Variants in LRGUK observed in about 807,000 individuals in gnomAD.
LRGUK encodes leucine rich repeats and guanylate kinase domain containing, also known as leucine-rich repeat and guanylate kinase domain-containing protein.
A neutral mutation model predicts 76.0 loss-of-function variants in LRGUK; 65 were observed. The ratio of observed to expected loss-of-function variants is 0.85; its 90% confidence interval spans 0.70 to 1.05. The LOEUF (loss-of-function observed/expected upper bound fraction) is 1.05, where lower values mean the gene tolerates loss of function less well. Ranked by LOEUF, LRGUK falls within the 50% of genes least tolerant of loss-of-function variation. LRGUK has a pLI of 0.00. For missense variants in LRGUK, 758 were observed against 732.8 expected, an observed-to-expected ratio of 1.03 and a Z score of -0.40; for synonymous variants, 268 against 265.6, an observed-to-expected ratio of 1.01 and a Z score of -0.09.
In LRGUK at chr7:134,157,261, G is replaced by T. The variant is rs112639878; in HGVS notation, c.671-774G>T. Among the ~76,000 whole-genome samples the T allele has an allele frequency of 8.5e-5, 13 of 152,288 alleles. 1 individual carries two copies. The highest frequency in any genetic ancestry group is 3.1e-4 in the African/African-American group (13 of 41,570). On this transcript the variant is annotated intron_variant, in intron 5 of 15. Coordinates refer to ENST00000645682, the Ensembl canonical transcript of LRGUK. ...AAGGGCTGTTCCTTTCTCTAACAGG[G>T]TATTGGTCTTTGGACCACCCATTTG...
chr7:134,130,162 T>C (rs929924890), intron 1 of LRGUK, among the ~76,000 whole-genome samples: 2 of 152,230 alleles, frequency 1.3e-5, no homozygotes, highest in Non-Finnish European at 2.9e-5. Context: ...AAGCTATTAA[T>C]TATTCTATTC....
At chr7:134,187,976 A>G (rs1156604246) in intron 11 of LRGUK, among the ~76,000 whole-genome samples, 1 of 152,240 alleles carries the variant, frequency 6.6e-6, no homozygotes, top group Admixed American at 6.5e-5. Context: ...ACATGAGATG[A>G]TATGAGCTGT....
chr7:134,223,135 C>T (rs539901958), intron 16 of LRGUK, among the ~76,000 whole-genome samples: 199 of 152,268 alleles, frequency 1.3e-3, no homozygotes, highest in African/African-American at 4.6e-3. Context: ...GGTAGCCCTC[C>T]CTCTCCTGGC....
chr7:134,138,699 G>A (rs1012032134), intron 2 of LRGUK, among the ~76,000 whole-genome samples: 4 of 152,114 alleles, frequency 2.6e-5, no homozygotes, highest in East Asian at 1.9e-4. Flanking sequence ...TTCTGACTCC[G>A]CCATCACGAC....
At chr7:134,264,038 C>T in exon 20 of LRGUK, 1 of 1,511,462 alleles carries the variant, frequency 6.6e-7, no homozygotes, top group Non-Finnish European at 8.9e-7. Flanking sequence ...AATTCCTTGC[C>T]TTACCTGGCC....
chr7:134,228,765 G>A (rs1801821145), intron 16 of LRGUK, among the ~76,000 whole-genome samples: 1 of 151,836 alleles, frequency 6.6e-6, no homozygotes, highest in African/African-American at 2.4e-5. Flanking sequence ...CTAGGAAGAG[G>A]GTAAATGTAA....
intron 7 of LRGUK, among the ~76,000 whole-genome samples, chr7:134,164,373 C>T (rs1278046888): frequency 6.6e-6 from 1 of 152,150 alleles, no homozygotes; most frequent in Non-Finnish European, 1.5e-5. Context: ...GGCTTGGGGA[C>T]TGGGTTTACT....
chr7:134,203,621 C>T (rs1340933236), intron 15 of LRGUK, among the ~76,000 whole-genome samples: 3 of 152,130 alleles, frequency 2.0e-5, no homozygotes, highest in African/African-American at 7.2e-5. Flanking sequence ...CAGGGTATGA[C>T]CTGCTGACTG....
downstream of LRGUK, among the ~76,000 whole-genome samples, chr7:134,267,603 T>C (rs1314343244): frequency 1.3e-5 from 2 of 152,178 alleles, no homozygotes; most frequent in African/African-American, 4.8e-5. Flanking sequence ...ATAAGGAGTT[T>C]CACCTTTTGC....
chr7:134,259,493 G>A (rs772230970), intron 19 of LRGUK, among the ~76,000 whole-genome samples: 4 of 152,096 alleles, frequency 2.6e-5, no homozygotes, highest in African/African-American at 4.8e-5. Flanking sequence ...TCAGGTGACC[G>A]GAGGAACTAG....
chr7:134,182,915 C>G (rs1394554307), intron 10 of LRGUK, among the ~76,000 whole-genome samples: 1 of 152,176 alleles, frequency 6.6e-6, no homozygotes, highest in Non-Finnish European at 1.5e-5. Context: ...GTGTGCACCA[C>G]CATGCCCGCT....
intron 12 of LRGUK, among the ~76,000 whole-genome samples, chr7:134,193,412 C>T (rs1367966620): frequency 6.6e-5 from 10 of 152,112 alleles, no homozygotes; most frequent in Non-Finnish European, 1.5e-5. Flanking sequence ...CACGTCAGTT[C>T]ATCTGTTCTC....
At chr7:134,226,610 C>T in intron 16 of LRGUK, among the ~76,000 whole-genome samples, 1 of 151,940 alleles carries the variant, frequency 6.6e-6, no homozygotes, top group East Asian at 1.9e-4. Flanking sequence ...GCTTCTTGAC[C>T]CAAGAGAAAA....
At position 134,148,165 on chromosome 7, in the gene LRGUK, G is replaced by T; in HGVS notation, c.589-73G>T. The T allele has an allele frequency of 1.1e-6, 1 of 930,302 alleles. No homozygotes were observed. Among genetic ancestry groups the T allele is most frequent in the Non-Finnish European group, 1.7e-6 (1 of 586,252 alleles). 57.6% of individuals were successfully genotyped at this position (930,302 alleles called of 1,614,324 possible). ...CTACATTCAAAAATACCTTCTTCTTGCACAGTTAATTATTGTGGCAAACAT... is the reference window on the plus strand; with the variant it reads ...CTACATTCAAAAATACCTTCTTCTTTCACAGTTAATTATTGTGGCAAACAT... On this transcript the variant is annotated intron_variant, in intron 4 of 15. Coordinates refer to ENST00000645682, the Ensembl canonical transcript of LRGUK.
chr7:134,226,096 G>GA (rs1801734476), intron 16 of LRGUK, among the ~76,000 whole-genome samples: 1 of 152,022 alleles, frequency 6.6e-6, no homozygotes, highest in South Asian at 2.1e-4. Flanking sequence ...TTATCCAAAA[G>GA]AAAAAAGGCA....
intron 5 of LRGUK, among the ~76,000 whole-genome samples, 158 bp downstream of exon 5, chr7:134,148,477 A>C (rs151208767): frequency 2.1e-4 from 32 of 152,364 alleles, no homozygotes; most frequent in African/African-American, 7.5e-4. Context: ...TATTCACAAA[A>C]TGAGGATAAA....
At chr7:134,209,907 G>A (rs191865845) in exon 16 of LRGUK, 41 of 399,110 alleles carry the variant, frequency 1.0e-4, no homozygotes, top group African/African-American at 6.0e-4. Context: ...AGGCTCCCTC[G>A]CATTCCTGCT....
intron 16 of LRGUK, among the ~76,000 whole-genome samples, chr7:134,242,637 G>C (rs1390703580): frequency 6.6e-6 from 1 of 152,092 alleles, no homozygotes; most frequent in Admixed American, 6.5e-5. Flanking sequence ...AAGAGGAGCT[G>C]GTACCATTCC....
intron 16 of LRGUK, among the ~76,000 whole-genome samples, chr7:134,236,249 C>T (rs912010092): frequency 2.6e-5 from 4 of 152,206 alleles, no homozygotes; most frequent in Non-Finnish European, 4.4e-5. Context: ...ACTCTCCCTC[C>T]CTCCAAAGGT....
Sources: allele counts gnomAD v4.1 joint callset (sites outside exome capture counted in the v4.1 genomes callset), GRCh38; gene constraint gnomAD v4.1.1; transcripts MANE v1.5; gene names NCBI Gene and HGNC (gene_info 2026-07-23, HGNC 2026-07-21).